The following RNLS variants were observed in gnomAD, a reference collection of about 807,000 sequenced individuals.
RNLS encodes renalase.
RNLS carries 39 observed loss-of-function variants against 39.8 expected under a neutral mutation model. The observed-to-expected ratio is 0.98, with a 90% CI of 0.76 to 1.28. RNLS has a LOEUF of 1.28. Ranked by LOEUF, RNLS falls within the 50% of genes most tolerant of loss-of-function variation. RNLS has a pLI of 0.00. For synonymous variants in RNLS, 147 were observed against 150.7 expected (o/e 0.98, Z 0.18); for missense variants, 410 against 413.3 (o/e 0.99, Z 0.07).
chr10:88,285,609 T>C, intron 6 of RNLS, 103 bp from the exon 7 acceptor site: 1 of 999,376 alleles, frequency 1.0e-6, no homozygotes, highest in Non-Finnish European at 1.5e-6. Context: ...GAAATCAAGA[T>C]TTCTCACAAG....
At chr10:88,330,678 T>A (rs1847050750) in intron 5 of RNLS, among the ~76,000 whole-genome samples, 1 of 152,106 alleles carries the variant, frequency 6.6e-6, no homozygotes. Flanking sequence ...CAAGTTGAAA[T>A]ATTTTTACAT....
chr10:88,365,883 T>A (rs1850058082), intron 4 of RNLS, among the ~76,000 whole-genome samples: 1 of 152,104 alleles, frequency 6.6e-6, no homozygotes, highest in Non-Finnish European at 1.5e-5. Context: ...TTTCCTCACA[T>A]AATTTTATTC....
chr10:88,342,118 T>G (rs1211308095), intron 5 of RNLS, among the ~76,000 whole-genome samples: 3 of 152,160 alleles, frequency 2.0e-5, no homozygotes, highest in African/African-American at 7.2e-5. Context: ...CCAAAGCTGT[T>G]CAAAGCTCTT....
intron 4 of RNLS, among the ~76,000 whole-genome samples, chr10:88,549,275 T>A (rs1316520119): frequency 8.8e-5 from 3 of 34,128 alleles, no homozygotes; most frequent in East Asian, 4.0e-3. Context: ...AAAAAAAAAA[T>A]ATTTTATGGT....
downstream of RNLS, among the ~76,000 whole-genome samples, chr10:88,268,872 G>A (rs1198833948): frequency 6.6e-6 from 1 of 152,232 alleles, no homozygotes; most frequent in Non-Finnish European, 1.5e-5. Flanking sequence ...ACCAGTTGGT[G>A]TGGCCAATAC....
the RNLS span, among the ~76,000 whole-genome samples, chr10:88,230,996 C>T: frequency 7.6e-3 from 1,153 of 152,300 alleles, 11 homozygotes; most frequent in African/African-American, 0.025. Flanking sequence ...TTCCTGAATC[C>T]TTTCCTGATT....
intron 4 of RNLS, among the ~76,000 whole-genome samples, chr10:88,532,242 G>A (rs1039112063): frequency 1.3e-5 from 2 of 151,900 alleles, no homozygotes; most frequent in South Asian, 4.2e-4. Flanking sequence ...ATACACTGAT[G>A]CACACTTTAC....
chr10:88,403,945 G>T (rs1279565929), intron 4 of RNLS, among the ~76,000 whole-genome samples: 1 of 151,976 alleles, frequency 6.6e-6, no homozygotes, highest in Non-Finnish European at 1.5e-5. Flanking sequence ...TTGGAAGGCT[G>T]AGGCAGTAAA....
chr10:88,490,311 A>G (rs1690424713), intron 4 of RNLS, among the ~76,000 whole-genome samples: 1 of 152,208 alleles, frequency 6.6e-6, no homozygotes. Context: ...TGTAGTGTGC[A>G]CTTACTTTAA....
chr10:88,534,148 G>A (rs911556050), intron 4 of RNLS, among the ~76,000 whole-genome samples: 2 of 152,124 alleles, frequency 1.3e-5, no homozygotes, highest in African/African-American at 4.8e-5. Flanking sequence ...ATGTCATGAT[G>A]AGGAGGTCAC....
At chr10:88,182,653 T>C in the RNLS span, among the ~76,000 whole-genome samples, 1 of 151,886 alleles carries the variant, frequency 6.6e-6, no homozygotes, top group South Asian at 2.1e-4. Context: ...CAGTGAAACT[T>C]TCTCTCTCTC....
intron 4 of RNLS, among the ~76,000 whole-genome samples, chr10:88,393,807 A>C (rs1049613628): frequency 3.3e-5 from 5 of 152,254 alleles, no homozygotes; most frequent in African/African-American, 1.2e-4. Flanking sequence ...ACAAGGCTAC[A>C]GTAACCAAAA....
intron 6 of RNLS, among the ~76,000 whole-genome samples, chr10:88,290,651 A>G (rs1158181798): frequency 6.6e-6 from 1 of 152,206 alleles, no homozygotes; most frequent in Non-Finnish European, 1.5e-5. Context: ...ATAAAAAGGA[A>G]ATAAAAGAGA....
At chr10:88,219,098 G>A in the RNLS span, among the ~76,000 whole-genome samples, 135 of 152,326 alleles carry the variant, frequency 8.9e-4, no homozygotes, top group African/African-American at 3.1e-3. Flanking sequence ...TTATGCTGAT[G>A]AGACCATGAA....
chr10:88,227,424 C>A, the RNLS span, among the ~76,000 whole-genome samples: 2 of 152,208 alleles, frequency 1.3e-5, no homozygotes, highest in Non-Finnish European at 2.9e-5. Flanking sequence ...TATCTAATAA[C>A]AATATGCTAT....
chr10:88,423,855 C>T (rs1854551833), intron 4 of RNLS, among the ~76,000 whole-genome samples: 1 of 152,202 alleles, frequency 6.6e-6, no homozygotes, highest in Non-Finnish European at 1.5e-5. Flanking sequence ...ATACTCTCAG[C>T]AATCCACTAC....
chr10:88,384,981 C>T (rs913711521), intron 4 of RNLS, among the ~76,000 whole-genome samples: 2 of 152,142 alleles, frequency 1.3e-5, no homozygotes, highest in African/African-American at 4.8e-5. Context: ...AATCACTTAA[C>T]CTTTCTGAGC....
the RNLS span, among the ~76,000 whole-genome samples, chr10:88,179,645 ATAGAGAT>A: frequency 6.6e-6 from 1 of 152,236 alleles, no homozygotes; most frequent in African/African-American, 2.4e-5. Context: ...TTACAGTCAC[ATAGAGAT>A]TAAAGGTCAG....
chr10:88,565,752 T>C (rs1482505195), intron 4 of RNLS, among the ~76,000 whole-genome samples: 42 of 144,302 alleles, frequency 2.9e-4, no homozygotes, highest in Admixed American at 6.9e-4. Flanking sequence ...TCTTTCTTTT[T>C]TTTTTTTTTT....
Sources: gnomAD v4.1 joint callset for allele counts (sites outside exome capture counted in the v4.1 genomes callset) on GRCh38, gnomAD v4.1.1 for gene constraint, MANE v1.5 for transcripts, NCBI Gene and HGNC (gene_info 2026-07-23, HGNC 2026-07-21) for gene names.